CMSS1: variants seen among roughly 807,000 people sequenced by gnomAD.
CMSS1 encodes the protein protein CMSS1.
In CMSS1, 33 loss-of-function variants were observed where a neutral mutation model predicts 43.5. The observed-to-expected ratio is 0.76, with a 90% confidence interval of 0.57 to 1.01. CMSS1 has a LOEUF of 1.01. Ranked by LOEUF, CMSS1 falls within the 50% of genes least tolerant of loss-of-function variation. CMSS1 has a pLI of 0.00. For synonymous variants in CMSS1, 115 were observed against 117.2 expected, an observed-to-expected ratio of 0.98 and a Z score of 0.12; for missense variants, 313 against 326.4, an observed-to-expected ratio of 0.96 and a Z score of 0.32.
intron 1 of CMSS1, among the ~76,000 whole-genome samples, chr3:100,029,902 T>G (rs1345216258): frequency 6.6e-6 from 1 of 152,126 alleles, no homozygotes; most frequent in African/African-American, 2.4e-5. Context: ...AAAGCTGAGA[T>G]AAAGACCAAG....
At chr3:99,882,389 AGTG>A (rs1705758014) in intron 1 of CMSS1, among the ~76,000 whole-genome samples, 3 of 152,330 alleles carry the variant, frequency 2.0e-5, no homozygotes, top group South Asian at 4.1e-4. Flanking sequence ...ATAAGCAGTC[AGTG>A]GTGGTGGTAA....
chr3:100,038,180 TC>T (rs2065143111), intron 1 of CMSS1, among the ~76,000 whole-genome samples: 1 of 152,160 alleles, frequency 6.6e-6, no homozygotes, highest in Admixed American at 6.5e-5. Context: ...GGTCTTGAAC[TC>T]CTGACTTCAG....
At chr3:99,980,205 T>C (rs1366581141) in intron 1 of CMSS1, among the ~76,000 whole-genome samples, 1 of 152,142 alleles carries the variant, frequency 6.6e-6, no homozygotes, top group Non-Finnish European at 1.5e-5. Flanking sequence ...TTTAGCTAAA[T>C]GGTTAAGAGT....
intron 1 of CMSS1, among the ~76,000 whole-genome samples, chr3:100,090,167 C>T (rs2066079707): frequency 6.6e-6 from 1 of 152,198 alleles, no homozygotes; most frequent in Non-Finnish European, 1.5e-5. Context: ...CTATGAAGCA[C>T]TCTATGAATG....
intron 1 of CMSS1, among the ~76,000 whole-genome samples, chr3:99,954,595 G>A (rs913239906): frequency 3.3e-5 from 5 of 152,144 alleles, no homozygotes; most frequent in African/African-American, 1.2e-4. Flanking sequence ...GGAGGTGGAG[G>A]CAGGTGGATT....
intron 1 of CMSS1, among the ~76,000 whole-genome samples, chr3:99,831,957 A>T (rs1281417867): frequency 6.6e-6 from 1 of 152,144 alleles, no homozygotes; most frequent in South Asian, 2.1e-4. Flanking sequence ...TGAAAGGCCG[A>T]GACAGATTGG....
At chr3:100,055,179 G>C (rs897208040) in intron 1 of CMSS1, among the ~76,000 whole-genome samples, 6 of 152,056 alleles carry the variant, frequency 3.9e-5, no homozygotes, top group African/African-American at 1.4e-4. Context: ...AGTTCTCCTC[G>C]TCCTACTCTT....
chr3:99,819,943 C>T (rs971242751), intron 1 of CMSS1, among the ~76,000 whole-genome samples: 12 of 151,022 alleles, frequency 7.9e-5, no homozygotes, highest in African/African-American at 2.4e-4. Context: ...TTAGTAGAGA[C>T]GGGGTTTCAC....
At chr3:99,842,637 A>T (rs772294345) in intron 1 of CMSS1, among the ~76,000 whole-genome samples, 2 of 152,198 alleles carry the variant, frequency 1.3e-5, no homozygotes, top group Non-Finnish European at 2.9e-5. Flanking sequence ...GCCTCAAATA[A>T]TAAGATAAGT....
At chr3:99,940,730 C>G (rs761519109) in intron 1 of CMSS1, among the ~76,000 whole-genome samples, 11 of 152,242 alleles carry the variant, frequency 7.2e-5, no homozygotes, top group Non-Finnish European at 1.6e-4. Flanking sequence ...GAACCATCTT[C>G]CTCACCTTTT....
At chr3:100,091,260 A>G (rs1238186997) in intron 1 of CMSS1, among the ~76,000 whole-genome samples, 3 of 149,206 alleles carry the variant, frequency 2.0e-5, no homozygotes, top group African/African-American at 7.4e-5. Context: ...ACTCCAGACT[A>G]GGCGACAGAG....
At chr3:100,063,932 C>A (rs1051147628) in intron 1 of CMSS1, among the ~76,000 whole-genome samples, 1 of 152,218 alleles carries the variant, frequency 6.6e-6, no homozygotes, top group Admixed American at 6.5e-5. Flanking sequence ...TACCCCAAGA[C>A]TGTCAGGAGT....
intron 1 of CMSS1, among the ~76,000 whole-genome samples, chr3:100,103,489 A>G (rs187741068): frequency 2.6e-4 from 40 of 152,346 alleles, no homozygotes; most frequent in Admixed American, 2.4e-3. Flanking sequence ...CTGAAGATCT[A>G]GAGTCTTTAG....
intron 1 of CMSS1, among the ~76,000 whole-genome samples, chr3:100,053,623 T>C (rs2065411108): frequency 6.6e-6 from 1 of 152,138 alleles, no homozygotes; most frequent in Admixed American, 6.5e-5. Context: ...GTGCATAAAT[T>C]TGGGGGAGTG....
chr3:100,032,087 C>T (rs2065031278), intron 1 of CMSS1, among the ~76,000 whole-genome samples: 1 of 152,074 alleles, frequency 6.6e-6, no homozygotes, highest in South Asian at 2.1e-4. Context: ...GCCCATTAGC[C>T]ATAGTTTGCT....
chr3:100,170,090 A>C (rs564859384), intron 6 of CMSS1, among the ~76,000 whole-genome samples: 1 of 152,352 alleles, frequency 6.6e-6, no homozygotes, highest in African/African-American at 2.4e-5. Flanking sequence ...AACTTTTATA[A>C]GAACATCTGT....
intron 1 of CMSS1, among the ~76,000 whole-genome samples, chr3:100,060,142 T>C (rs2065536395): frequency 6.6e-6 from 1 of 152,008 alleles, no homozygotes; most frequent in South Asian, 2.1e-4. Context: ...GTGTGTCACA[T>C]GGTGGGTGGG....
chr3:99,982,905 T>A (rs1260154382), intron 1 of CMSS1, among the ~76,000 whole-genome samples: 1 of 152,204 alleles, frequency 6.6e-6, no homozygotes, highest in Admixed American at 6.5e-5. Flanking sequence ...ACAGCTGTGT[T>A]AAACATGTTT....
chr3:100,040,194 A>T (rs1461475542), intron 1 of CMSS1: 1 of 152,206 alleles, frequency 6.6e-6, no homozygotes. Flanking sequence ...AATCTCTGGA[A>T]CAGGTAACCA....
Sources: gnomAD v4.1 joint callset for allele counts (sites outside exome capture counted in the v4.1 genomes callset) on GRCh38, gnomAD v4.1.1 for gene constraint, MANE v1.5 for transcripts, NCBI Gene and HGNC (gene_info 2026-07-23, HGNC 2026-07-21) for gene names.